PCDHGA5: variants seen among roughly 807,000 people sequenced by gnomAD.
The protein encoded by PCDHGA5 is protocadherin gamma-A5.
In PCDHGA5, 36 loss-of-function variants were observed where a neutral mutation model predicts 56.7. That is an observed-to-expected ratio of 0.64 (90% CI 0.49 to 0.84). The LOEUF is 0.84. Among genes scored for constraint, PCDHGA5 ranks in the 40% least tolerant of loss-of-function variants. The probability of loss-of-function intolerance (pLI) is 0.00; values close to 1 mark genes in which losing one functional copy is unlikely to be tolerated. For synonymous variants in PCDHGA5, 563 were observed against 520.2 expected (o/e 1.08, Z -1.12); for missense variants, 1,305 against 1,201.5 (o/e 1.09, Z -1.27).
rs150897033 is a variant in PCDHGA5, at chr5:141,453,434, G to C, written c.2422-41373G>C. Among the ~76,000 whole-genome samples the C allele has an allele frequency of 3.9e-3, 592 of 151,994 alleles. 6 individuals are homozygous for C. The highest frequency in any genetic ancestry group is 0.011 in the Admixed American group (171 of 15,256). On this transcript the variant is annotated intron_variant, in intron 1 of 3. Coordinates refer to ENST00000518069, the MANE Select transcript of PCDHGA5 (RefSeq NM_018918.3). Reference sequence around the variant, plus strand: ...GGCATAAGCCACCACACCTAGCCTAGTATTCTTTTTTGAATATGTAAAACA... The same window carrying C: ...GGCATAAGCCACCACACCTAGCCTACTATTCTTTTTTGAATATGTAAAACA...
At chr5:141,384,697 C>A in intron 1 of PCDHGA5, 1 of 1,614,142 alleles carries the variant, frequency 6.2e-7, no homozygotes, top group South Asian at 1.1e-5. Flanking sequence ...AGATTCAGGC[C>A]AGAACGCCTG....
rs779750859 is a variant in PCDHGA5, at chr5:141,476,273, A to G, written c.2422-18534A>G. On this transcript the variant is annotated intron_variant, in intron 1 of 3. Transcript: ENST00000518069. The surrounding 1 kb of genome is among the most constrained non-coding windows in gnomAD (Gnocchi z 7.6). Reference sequence around the variant, plus strand: ...TTTCGCTGTGGGCAACGTGGTCGCGAACCTTGGTTTGGATCTCGGTAGCCT... The same window carrying G: ...TTTCGCTGTGGGCAACGTGGTCGCGGACCTTGGTTTGGATCTCGGTAGCCT... 6.2e-7 allele frequency: 1 copy of G among 1,613,964 alleles called. No individual in the cohort carries two copies. The highest frequency in any genetic ancestry group is 1.1e-5 in the South Asian group (1 of 91,064).
chr5:141,504,474 G>A (rs903417314), intron 2 of PCDHGA5, among the ~76,000 whole-genome samples: 1 of 152,066 alleles, frequency 6.6e-6, no homozygotes, highest in African/African-American at 2.4e-5. Context: ...TGGGATGGGA[G>A]TACAGTGGAG....
At chr5:141,508,830 C>G (rs1320903059) in intron 3 of PCDHGA5, among the ~76,000 whole-genome samples, 2 of 152,150 alleles carry the variant, frequency 1.3e-5, no homozygotes, top group Non-Finnish European at 2.9e-5. Flanking sequence ...CTGGGCCCCC[C>G]TCCCCTACCC....
intron 1 of PCDHGA5, among the ~76,000 whole-genome samples, chr5:141,401,057 A>G (rs1021828194): frequency 1.3e-5 from 2 of 152,170 alleles, no homozygotes; most frequent in Non-Finnish European, 2.9e-5. Flanking sequence ...AAAATACTAT[A>G]TGTTGGCTGG....
intron 1 of PCDHGA5, among the ~76,000 whole-genome samples, chr5:141,433,573 C>T (rs1400327372): frequency 1.3e-5 from 2 of 152,046 alleles, no homozygotes; most frequent in Admixed American, 1.3e-4. Flanking sequence ...CGGTGGCTCA[C>T]GCCTGTAATC....
rs1176011355 is a variant in PCDHGA5, at chr5:141,485,491, G to C, written c.2422-9316G>C. Reference sequence around the variant, plus strand: ...TCAGTGCCAGCTGCATCGTGCCCCTGGAGTTTGTCACCGAAGGTCCTTTGG... The same window carrying C: ...TCAGTGCCAGCTGCATCGTGCCCCTCGAGTTTGTCACCGAAGGTCCTTTGG... On this transcript the variant is annotated intron_variant, in intron 1 of 3. Coordinates refer to ENST00000518069, the MANE Select transcript of PCDHGA5 (RefSeq NM_018918.3). This position sits in a 1 kb window ranked among gnomAD's most constrained non-coding sequence, Gnocchi z 5.7. 6.2e-7 allele frequency: 1 copy of C among 1,614,142 alleles called. No homozygotes were observed. The highest frequency in any genetic ancestry group is 1.3e-5 in the African/African-American group (1 of 75,018).
At chr5:141,507,016 G>C (rs913170594) in intron 3 of PCDHGA5, 1 of 152,166 alleles carries the variant, frequency 6.6e-6, no homozygotes, top group African/African-American at 2.4e-5. Context: ...AACCGAGAAG[G>C]CACTTGCCCC....
At chr5:141,425,413 T>G (rs2096873899) in intron 1 of PCDHGA5, among the ~76,000 whole-genome samples, 1 of 152,202 alleles carries the variant, frequency 6.6e-6, no homozygotes, top group African/African-American at 2.4e-5. Context: ...AGGTATAACA[T>G]ATAGTCCCAT....
chr5:141,482,363 G>C (rs2099556985), intron 1 of PCDHGA5, among the ~76,000 whole-genome samples: 1 of 152,086 alleles, frequency 6.6e-6, no homozygotes, highest in African/African-American at 2.4e-5. Flanking sequence ...AGAGTGAAAA[G>C]TAATGCATAT....
Position 141,512,040 on chromosome 5 carries a change from A to G in PCDHGA5, c.*867A>G, listed in dbSNP as rs775766584. 1.3e-5 allele frequency: 2 copies of G among 152,838 alleles called. No homozygotes were observed. The highest frequency in any genetic ancestry group is 2.9e-5 in the Non-Finnish European group (2 of 68,198). 9.5% of individuals were successfully genotyped at this position (152,838 alleles called of 1,614,324 possible). A position where few individuals can be genotyped will look rare whatever the true frequency, so the allele number is the denominator to read the frequency against. ...ATCAAGGCCTTGGAGGAGGCTCTGT[A>G]TGTCCTCAGGGGACTGACAACATCC... On this transcript the variant is annotated 3_prime_UTR_variant, in exon 4 of 4. Coordinates refer to ENST00000518069, the MANE Select transcript of PCDHGA5 (RefSeq NM_018918.3).
At position 141,431,754 on chromosome 5, in the gene PCDHGA5, A is replaced by C; in HGVS notation, c.2422-63053A>C. ...AATGCAGGATATTCTGCGCGAGCCA[A>C]AGTCCTGATCACTGTTCTGGACGTG... On this transcript the variant is annotated intron_variant, in intron 1 of 3. Transcript: ENST00000518069. The surrounding 1 kb of genome is among the most constrained non-coding windows in gnomAD (Gnocchi z 4.8). The C allele has an allele frequency of 6.2e-7, 1 of 1,614,208 alleles. No individual in the cohort carries two copies. Among genetic ancestry groups the C allele is most frequent in the Middle Eastern group, 1.6e-4 (1 of 6,062 alleles).
At position 141,408,867 on chromosome 5, in the gene PCDHGA5, G is replaced by T. The variant is rs376342658; in HGVS notation, c.2421+42116G>T. 5.5e-5 allele frequency: 88 copies of T among 1,613,574 alleles called. No homozygotes were observed. The highest frequency in any genetic ancestry group is 6.8e-5 in the Non-Finnish European group (80 of 1,179,830). ...GCCTTGGACGGAGGGGACCCACCAA[G>T]AAGTGCCACCGCTCACATAGAAATT... On this transcript the variant is annotated intron_variant, in intron 1 of 3. Transcript: ENST00000518069.
chr5:141,419,700 C>T, intron 1 of PCDHGA5: 2 of 1,612,974 alleles, frequency 1.2e-6, no homozygotes, highest in Non-Finnish European at 1.7e-6. Context: ...GCCAGTGAGC[C>T]CGGGCTCTTC....
chr5:141,471,208 C>G (rs559571022), intron 1 of PCDHGA5: 1 of 151,664 alleles, frequency 6.6e-6, no homozygotes, highest in Non-Finnish European at 1.5e-5. Context: ...CACCCCCATG[C>G]CTGGCAATTT....
At chr5:141,388,639 C>T (rs2091432130) in intron 1 of PCDHGA5, 1 of 1,613,944 alleles carries the variant, frequency 6.2e-7, no homozygotes, top group Non-Finnish European at 8.5e-7. Context: ...GTGAGCCTTT[C>T]AGAAAACGTG....
At chr5:141,409,772 C>T (rs2095314133) in intron 1 of PCDHGA5, 1 of 1,612,736 alleles carries the variant, frequency 6.2e-7, no homozygotes, top group Non-Finnish European at 8.5e-7. Flanking sequence ...TGATCACGAG[C>T]AGCTGCGCGC....
At chr5:141,484,287 C>T (rs1432341538) in intron 1 of PCDHGA5, among the ~76,000 whole-genome samples, 1 of 152,268 alleles carries the variant, frequency 6.6e-6, no homozygotes, top group Non-Finnish European at 1.5e-5. Context: ...GAAACATCTC[C>T]CTCTCCTGGC....
chr5:141,422,344 C>G, intron 1 of PCDHGA5: 1 of 1,550,890 alleles, frequency 6.4e-7, no homozygotes, highest in Non-Finnish European at 8.7e-7. Flanking sequence ...TCTAAATGTG[C>G]AAGATCAAGA....
Sources: allele counts gnomAD v4.1 joint callset (sites outside exome capture counted in the v4.1 genomes callset), GRCh38; gene constraint gnomAD v4.1.1; non-coding constraint Gnocchi (gnomAD v3.1); transcripts MANE v1.5; gene names NCBI Gene and HGNC (gene_info 2026-07-23, HGNC 2026-07-21).